The following NFATC1 variants were observed in gnomAD, a reference collection of about 807,000 sequenced individuals.
NFATC1 encodes the protein nuclear factor of activated T-cells, cytoplasmic 1.
In NFATC1, 22 loss-of-function variants were observed where a neutral mutation model predicts 76.0. The ratio of observed to expected loss-of-function variants is 0.29; its 90% CI spans 0.21 to 0.41. NFATC1 has a LOEUF of 0.41. Ranked by LOEUF, NFATC1 falls within the 10% of genes least tolerant of loss-of-function variation. The pLI, the probability that NFATC1 is intolerant of heterozygous loss-of-function variation, is 1.00. For synonymous variants in NFATC1, 704 were observed against 613.1 expected (o/e 1.15, Z -2.19); for missense variants, 1,357 against 1,337.7 (o/e 1.01, Z -0.23).
chr18:79,399,982 T>TA (rs201423108), intron 1 of NFATC1, among the ~76,000 whole-genome samples: 5 of 149,262 alleles, frequency 3.3e-5, no homozygotes, highest in East Asian at 2.0e-4. Context: ...AAAAAAAACT[T>TA]AAAAAAAAAA....
At chr18:79,489,633 G>A (rs113783563) in intron 9 of NFATC1, among the ~76,000 whole-genome samples, 104 of 152,270 alleles carry the variant, frequency 6.8e-4, no homozygotes, top group African/African-American at 2.3e-3. Flanking sequence ...AACTCGGATC[G>A]AATGGGTCAC....
chr18:79,411,514 C>T lies in NFATC1; in HGVS notation c.1226+13C>T, dbSNP rs368411554. The stretch of plus-strand genomic sequence containing the variant: ...CGTCCTACATGAGGTGAGCCGGCAG[C>T]GCGGGGCGGGACGGGGAGGCGAGGG... On this transcript the variant is annotated intron_variant, in intron 2 of 9. Coordinates refer to ENST00000427363, the MANE Select transcript of NFATC1 (RefSeq NM_001278669.2). 7.3e-5 allele frequency: 107 copies of T among 1,457,928 alleles called. No individual in the cohort carries two copies. The highest frequency in any genetic ancestry group is 1.8e-4 in the Middle Eastern group (1 of 5,482). The allele number at this position is 1,457,928 out of a possible 1,614,324, so 90.3% of individuals were successfully genotyped here.
chr18:79,427,425 TGGGTGGGG>T (rs2086391187), intron 2 of NFATC1, among the ~76,000 whole-genome samples: 1 of 26,822 alleles, frequency 3.7e-5, no homozygotes, highest in African/African-American at 1.8e-4. Flanking sequence ...CTCTGTGCGG[TGGGTGGGG>T]GGGAGCTGGA....
chr18:79,491,851 C>T (rs1337144806), intron 9 of NFATC1, among the ~76,000 whole-genome samples: 1 of 152,110 alleles, frequency 6.6e-6, no homozygotes, highest in Non-Finnish European at 1.5e-5. Flanking sequence ...CCTGGGCACC[C>T]AGCCATGTTT....
intron 9 of NFATC1, among the ~76,000 whole-genome samples, chr18:79,520,904 G>T (rs2090529053): frequency 8.3e-6 from 1 of 119,948 alleles, no homozygotes; most frequent in African/African-American, 3.2e-5. Flanking sequence ...GTGTGTAGGA[G>T]GGGAGCATCC....
intron 8 of NFATC1, among the ~76,000 whole-genome samples, chr18:79,485,240 GACTC>G (rs2089459950): frequency 6.6e-6 from 1 of 152,256 alleles, no homozygotes; most frequent in Non-Finnish European, 1.5e-5. Flanking sequence ...AGGCTGAGGA[GACTC>G]ACTCACAGCT....
chr18:79,400,369 C>CCCCGG (rs1438864036), intron 1 of NFATC1: 1 of 1,441,800 alleles, frequency 6.9e-7, no homozygotes, highest in Non-Finnish European at 9.2e-7. Flanking sequence ...CCGGCTCCCG[C>CCCCGG]CCCGGCCCCG....
intron 9 of NFATC1, among the ~76,000 whole-genome samples, chr18:79,502,703 A>G (rs1468019651): frequency 2.0e-5 from 3 of 152,236 alleles, no homozygotes; most frequent in Non-Finnish European, 4.4e-5. Context: ...ATAGGAATGG[A>G]TAATAAACAC....
At chr18:79,441,848 G>C (rs2144719625) in intron 3 of NFATC1, among the ~76,000 whole-genome samples, 1 of 152,136 alleles carries the variant, frequency 6.6e-6, no homozygotes, top group South Asian at 2.1e-4. Flanking sequence ...CTCCATAGAA[G>C]GTCGAGGTTT....
chr18:79,456,089 C>T (rs898282289), intron 6 of NFATC1, among the ~76,000 whole-genome samples: 2 of 152,346 alleles, frequency 1.3e-5, no homozygotes, highest in East Asian at 1.9e-4. Context: ...CTGACAGGCA[C>T]CTGGCCGTTG....
intron 8 of NFATC1, among the ~76,000 whole-genome samples, chr18:79,482,745 C>T (rs1343961628): frequency 8.6e-6 from 1 of 116,694 alleles, no homozygotes; most frequent in African/African-American, 3.4e-5. Flanking sequence ...TGAGGTGTCA[C>T]TCCAGCGTGA....
At chr18:79,455,752 CCGCCCCA>C (rs2087681997) in intron 6 of NFATC1, among the ~76,000 whole-genome samples, 2 of 9,972 alleles carry the variant, frequency 2.0e-4, no homozygotes, top group African/African-American at 7.7e-4. Context: ...CATCTCACGG[CCGCCCCA>C]TCCCACGGCC....
At chr18:79,400,361 G>T in intron 1 of NFATC1, 1 of 1,284,212 alleles carries the variant, frequency 7.8e-7, no homozygotes, top group East Asian at 3.7e-5. Context: ...CCGCGACCCC[G>T]GCTCCCGCCC....
intron 9 of NFATC1, among the ~76,000 whole-genome samples, chr18:79,509,638 G>C (rs2090197673): frequency 6.6e-6 from 1 of 152,264 alleles, no homozygotes; most frequent in African/African-American, 2.4e-5. Context: ...GATTAGGTCA[G>C]TGATCTCCAT....
At position 79,497,362 on chromosome 18, in the gene NFATC1, T is replaced by C. The variant is rs375718484; in HGVS notation, c.2782+10425T>C. On this transcript the variant is annotated intron_variant, in intron 9 of 9. Coordinates refer to ENST00000427363, the MANE Select transcript of NFATC1 (RefSeq NM_001278669.2). The stretch of plus-strand genomic sequence containing the variant: ...AGAACAGGATGGCAGCGTCTTCACT[T>C]GGGGCCGCTCCAGCCCCGAGGCGCA... 4 of 151,932 alleles carry C rather than the reference T, an allele frequency of 2.6e-5. No individual in the cohort carries two copies. In the East Asian group the frequency reaches 7.8e-4, roughly 30 times the overall value. The allele number at this position is 151,932 out of a possible 1,614,324, so 9.4% of individuals were successfully genotyped here.
intron 8 of NFATC1, among the ~76,000 whole-genome samples, chr18:79,474,329 T>C (rs2088943091): frequency 6.7e-6 from 1 of 148,950 alleles, no homozygotes. Flanking sequence ...AAGCGTGTTC[T>C]CGCGCTCACT....
intron 1 of NFATC1, chr18:79,400,261 G>A (rs2085146200): frequency 1.7e-6 from 2 of 1,179,092 alleles, no homozygotes; most frequent in Admixed American, 4.6e-5. Flanking sequence ...GCCCCGGGGG[G>A]CGGGGGCGGG....
intron 9 of NFATC1, among the ~76,000 whole-genome samples, chr18:79,504,848 G>GAC: frequency 6.5e-5 from 9 of 139,184 alleles, no homozygotes; most frequent in South Asian, 5.1e-4. Context: ...AGGTGGTGCT[G>GAC]GAGGCCCTTG....
intron 9 of NFATC1, among the ~76,000 whole-genome samples, chr18:79,509,562 G>T (rs2090195986): frequency 6.6e-6 from 1 of 152,350 alleles, no homozygotes; most frequent in Non-Finnish European, 1.5e-5. Context: ...TGCCTAGAGG[G>T]GCACCCCTGC....
Sources: allele counts gnomAD v4.1 joint callset (sites outside exome capture counted in the v4.1 genomes callset), GRCh38; gene constraint gnomAD v4.1.1; transcripts MANE v1.5; gene names NCBI Gene and HGNC (gene_info 2026-07-23, HGNC 2026-07-21).